Variants in USP36 observed in about 807,000 individuals in gnomAD.
USP36 encodes the protein ubiquitin carboxyl-terminal hydrolase 36.
In USP36, 59 loss-of-function variants were observed where a neutral mutation model predicts 111.5. The ratio of observed to expected loss-of-function variants is 0.53; its 90% CI spans 0.43 to 0.66. USP36 has a LOEUF of 0.66. Ranked by LOEUF, USP36 falls within the 30% of genes least tolerant of loss-of-function variation. The pLI, the probability that USP36 is intolerant of heterozygous loss-of-function variation, is 0.00. For synonymous variants in USP36, 628 were observed against 581.0 expected (o/e 1.08, Z -1.16); for missense variants, 1,488 against 1,468.0 (o/e 1.01, Z -0.22).
chr17:78,824,498 T>C (rs931226), intron 6 of USP36, among the ~76,000 whole-genome samples: 147,357 of 152,242 alleles, frequency 0.97, 71,338 homozygotes, highest in East Asian at 1. Flanking sequence ...GAGCGGAGAT[T>C]GCACCACTGC....
At position 78,803,318 on chromosome 17, in the gene USP36, T is replaced by C. The variant is rs745624240; in HGVS notation, c.2810+67A>G. The C allele has an allele frequency of 1.1e-5, 16 of 1,508,398 alleles. No homozygotes were observed. Among genetic ancestry groups the C allele is most frequent in the Non-Finnish European group, 1.4e-5 (15 of 1,106,130 alleles). The allele number at this position is 1,508,398 out of a possible 1,614,324, so 93.4% of individuals were successfully genotyped here. A position where few individuals can be genotyped will look rare whatever the true frequency, so the allele number is the denominator to read the frequency against. ...TTTCCAGACCATACCTACTTGGGGG[T>C]AGATTCTGTGGTTTTGCTTTGTTTC... On this transcript the variant is annotated intron_variant, in intron 16 of 20. Transcript: ENST00000449938. This position sits in a 1 kb window ranked among gnomAD's most constrained non-coding sequence, Gnocchi z 4.6.
chr17:78,835,606 C>T (rs1030978194), intron 3 of USP36, 105 bp from the exon 4 acceptor site: 27 of 1,092,776 alleles, frequency 2.5e-5, no homozygotes, highest in East Asian at 7.8e-5. Flanking sequence ...TGCAGTGACT[C>T]GGAACATGGC....
At chr17:78,831,181 A>G (rs2068055962) in intron 4 of USP36, among the ~76,000 whole-genome samples, 1 of 129,362 alleles carries the variant, frequency 7.7e-6, no homozygotes, top group Non-Finnish European at 1.6e-5. Context: ...AGCCAAGATC[A>G]CACCACTGCA....
Position 78,803,029 on chromosome 17 carries a change from C to T in USP36, c.2810+356G>A, listed in dbSNP as rs1454081077. Among the ~76,000 whole-genome samples the T allele has an allele frequency of 6.6e-6, 1 of 152,140 alleles. No homozygotes were observed. The highest frequency in any genetic ancestry group is 2.4e-5 in the African/African-American group (1 of 41,418). ...TCTCAGCTCACTGCAACCTCCACCT[C>T]CTGGGCTCAAACCATCCTCCCACCT... On this transcript the variant is annotated intron_variant, in intron 16 of 20. Transcript: ENST00000449938. This position sits in a 1 kb window ranked among gnomAD's most constrained non-coding sequence, Gnocchi z 4.6.
chr17:78,797,005 C>G lies in USP36; in HGVS notation c.*895G>C, dbSNP rs1414347969. The G allele has an allele frequency of 1.3e-5, 2 of 152,170 alleles. No individual in the cohort carries two copies. The highest frequency in any genetic ancestry group is 4.8e-5 in the African/African-American group (2 of 41,444). The allele number at this position is 152,170 out of a possible 1,614,324, so 9.4% of individuals were successfully genotyped here. The stretch of plus-strand genomic sequence containing the variant: ...ATTCCAAAGCACTCACAAAATTGAG[C>G]AAACAAAGCCACTATTTGCATATTT... On this transcript the variant is annotated 3_prime_UTR_variant, in exon 21 of 21. Coordinates refer to ENST00000449938, the MANE Select transcript of USP36 (RefSeq NM_001385174.1).
Position 78,807,165 on chromosome 17 carries a change from G to A in USP36, c.1879C>T (p.Pro627Ser), listed in dbSNP as rs139422837. The A allele has an allele frequency of 1.3e-4, 215 of 1,614,216 alleles. No homozygotes were observed. Among genetic ancestry groups the A allele is most frequent in the Middle Eastern group, 1.7e-4 (1 of 6,058 alleles). ...GCCGCTCCACTCCTGGGGGTCTGGG[G>A]GGCCTTGGTGGAGTCGCTGCTGGCC... ...HSASSDSTKA[P>S]QTPRSGAAHL... Residue 627 changes from proline to serine, a missense_variant, in exon 14 of 21, where the codon CCC (proline) becomes TCC (serine). By Grantham distance (74) the Pro-to-Ser change is moderately conservative. Transcript: ENST00000449938.
chr17:78,814,593 T>C (rs928934719), intron 10 of USP36, 41 bp from the exon 11 acceptor site: 33 of 1,600,204 alleles, frequency 2.1e-5, no homozygotes, highest in Non-Finnish European at 2.6e-5. Context: ...AAATTCACTT[T>C]GAGAGTAAAG....
At chr17:78,823,155 G>C in intron 6 of USP36, 1 of 398,590 alleles carries the variant, frequency 2.5e-6, no homozygotes, top group African/African-American at 2.1e-5. Context: ...ATACTTGGGG[G>C]ACCAATACAG....
intron 4 of USP36, among the ~76,000 whole-genome samples, chr17:78,834,602 A>G (rs751749596): frequency 1.1e-4 from 17 of 151,804 alleles, no homozygotes; most frequent in Non-Finnish European, 2.4e-4. Flanking sequence ...GCACCCCATC[A>G]CGCCTAATTT....
In USP36 at chr17:78,836,347, T is replaced by G. The variant is rs1019829963; in HGVS notation, c.17A>C (p.Lys6Thr). 7.4e-6 allele frequency: 12 copies of G among 1,613,938 alleles called. No individual in the cohort carries two copies. Among genetic ancestry groups the G allele is most frequent in the Non-Finnish European group, 1.0e-5 (12 of 1,180,018 alleles). ...GCCGGGTTTCAGGGCCTCCTTCAAC[T>G]TATCCACTATTGGCATGGTGCATCA... MPIVD[K>T]LKEALKPGRK... Residue 6 changes from lysine to threonine, a missense_variant, in exon 3 of 21, where the codon AAG (lysine) becomes ACG (threonine). Coordinates refer to ENST00000449938, the MANE Select transcript of USP36 (RefSeq NM_001385174.1).
At chr17:78,800,926 G>C (rs553811949) in intron 17 of USP36, among the ~76,000 whole-genome samples, 2 of 151,764 alleles carry the variant, frequency 1.3e-5, no homozygotes, top group Non-Finnish European at 2.9e-5. Context: ...ACTTCGCTCC[G>C]AGGGTGGCAC....
At chr17:78,799,470 G>A (rs1046062950) in intron 18 of USP36, among the ~76,000 whole-genome samples, 197 bp downstream of exon 18, 2 of 152,078 alleles carry the variant, frequency 1.3e-5, no homozygotes, top group African/African-American at 2.4e-5. Flanking sequence ...ATCCTGCCAC[G>A]GACAGAAGCC....
rs558381050 is a variant in USP36 at position 78,833,156 on chromosome 17, G to A, written c.475+2124C>T. On this transcript the variant is annotated intron_variant, in intron 4 of 20. Coordinates refer to ENST00000449938, the MANE Select transcript of USP36 (RefSeq NM_001385174.1). ...GAACGAGACTCCATCTCCAAAAAACGCCCCCAAACAATGTGCTGCTTCATC... is the reference window on the plus strand; with the variant it reads ...GAACGAGACTCCATCTCCAAAAAACACCCCCAAACAATGTGCTGCTTCATC... Among the ~76,000 whole-genome samples the A allele has an allele frequency of 9.9e-5, 15 of 152,122 alleles. No individual in the cohort carries two copies. In the South Asian group the frequency reaches 2.9e-3, roughly 29 times the overall value.
chr17:78,826,880 G>A (rs552637775), intron 6 of USP36: 5 of 573,672 alleles, frequency 8.7e-6, no homozygotes, highest in South Asian at 8.7e-5. Flanking sequence ...TTTCAAAAAC[G>A]ACATGATTTT....
downstream of USP36, among the ~76,000 whole-genome samples, chr17:78,794,338 C>G (rs1191422960): frequency 6.6e-6 from 1 of 152,238 alleles, no homozygotes. Flanking sequence ...AACTGTCAAA[C>G]AAAACCTGCC....
At chr17:78,825,219 A>AACGCTGGTCACCTATAATC (rs1196635265) in intron 6 of USP36, among the ~76,000 whole-genome samples, 1 of 152,162 alleles carries the variant, frequency 6.6e-6, no homozygotes, top group Non-Finnish European at 1.5e-5. Context: ...AACATTCACA[A>AACGCTGGTCACCTATAATC]ACGCTGGTCA....
chr17:78,808,337 A>G (rs1433154923), intron 13 of USP36, among the ~76,000 whole-genome samples: 1 of 152,124 alleles, frequency 6.6e-6, no homozygotes, highest in East Asian at 1.9e-4. Flanking sequence ...TGCAGCCTCA[A>G]CCTTCTGGGC....
Position 78,798,331 on chromosome 17 carries a change from A to T in USP36, c.*20+69T>A, listed in dbSNP as rs1443025046. ...TCATACACACACGCCACACCCCACC[A>T]CACCCCTACACACATACACGGCACA... On this transcript the variant is annotated intron_variant, in intron 20 of 20. Transcript: ENST00000449938. The surrounding 1 kb of genome is among the most constrained non-coding windows in gnomAD (Gnocchi z 5.1). 1.3e-6 allele frequency: 2 copies of T among 1,571,180 alleles called. No homozygotes were observed. Among genetic ancestry groups the T allele is most frequent in the Non-Finnish European group, 1.7e-6 (2 of 1,159,384 alleles).
intron 13 of USP36, 81 bp downstream of exon 13, chr17:78,812,779 G>T (rs985208427): frequency 4.7e-6 from 7 of 1,504,266 alleles, no homozygotes; most frequent in Non-Finnish European, 6.4e-6. Context: ...TCCTTCCACT[G>T]TGGCCAACTT....
Sources: gnomAD v4.1 joint callset for allele counts (sites outside exome capture counted in the v4.1 genomes callset) on GRCh38, gnomAD v4.1.1 for gene constraint, Gnocchi (gnomAD v3.1) non-coding constraint, MANE v1.5 for transcripts, NCBI Gene and HGNC (gene_info 2026-07-23, HGNC 2026-07-21) for gene names.